The following SHROOM3 variants were observed in gnomAD, a reference collection of about 807,000 sequenced individuals.
The protein encoded by SHROOM3 is shroom family member 3, also known as protein Shroom3.
A neutral mutation model predicts 138.6 loss-of-function variants in SHROOM3; 47 were observed. The observed-to-expected ratio is 0.34, with a 90% confidence interval of 0.27 to 0.43. SHROOM3 has a LOEUF of 0.43. Ranked by LOEUF, SHROOM3 falls within the 20% of genes least tolerant of loss-of-function variation. The pLI, the probability that SHROOM3 is intolerant of heterozygous loss-of-function variation, is 1.00. For missense variants in SHROOM3, 2,491 were observed against 2,596.5 expected (o/e 0.96, Z 0.88); for synonymous variants, 1,062 against 1,063.3 (o/e 1.00, Z 0.02).
Position 76,555,504 on chromosome 4 carries a change from G to T in SHROOM3, c.169-105G>T, listed in dbSNP as rs1406448613. On this transcript the variant is annotated intron_variant, in intron 1 of 10. Coordinates refer to ENST00000296043, the MANE Select transcript of SHROOM3 (RefSeq NM_020859.4). ...AAGCGCTGGGGTGTGGCCCTAGCTGGTCCGTTGGGCTCTGCAGGAGTCTAA... is the reference window on the plus strand; with the variant it reads ...AAGCGCTGGGGTGTGGCCCTAGCTGTTCCGTTGGGCTCTGCAGGAGTCTAA... 5 of 1,538,784 alleles carry T rather than the reference G, an allele frequency of 3.2e-6. No individual in the cohort carries two copies. The African/African-American group carries it at 6.8e-5, about 21-fold the overall frequency.
At chr4:76,759,454 G>A (rs1463955385) in intron 8 of SHROOM3, 91 bp from the exon 9 acceptor site, 6 of 1,496,478 alleles carry the variant, frequency 4.0e-6, no homozygotes, top group African/African-American at 1.4e-5. Flanking sequence ...AAATAGAATT[G>A]TTACGCACTT....
At chr4:76,529,049 G>A (rs529570114) in intron 1 of SHROOM3, among the ~76,000 whole-genome samples, 46 of 152,248 alleles carry the variant, frequency 3.0e-4, no homozygotes, top group Middle Eastern at 3.4e-3. Context: ...AACTTGCCCC[G>A]GTCTATGCAA....
At chr4:76,564,455 C>G (rs1022383159) in intron 2 of SHROOM3, among the ~76,000 whole-genome samples, 1 of 152,118 alleles carries the variant, frequency 6.6e-6, no homozygotes, top group Non-Finnish European at 1.5e-5. Flanking sequence ...ATTCTCAGAG[C>G]AGTTTTCGGC....
At chr4:76,690,408 C>T (rs889688353) in intron 2 of SHROOM3, among the ~76,000 whole-genome samples, 50 of 152,292 alleles carry the variant, frequency 3.3e-4, no homozygotes, top group Admixed American at 3.3e-3. Context: ...TGTTGTGGCG[C>T]ACTGTGTGCA....
intron 1 of SHROOM3, among the ~76,000 whole-genome samples, chr4:76,484,992 G>A (rs1340889582): frequency 6.6e-6 from 1 of 152,180 alleles, no homozygotes; most frequent in Non-Finnish European, 1.5e-5. Context: ...GGAATCCAGT[G>A]AGATACCTAT....
At chr4:76,544,407 CTTT>C (rs58799466) in intron 1 of SHROOM3, among the ~76,000 whole-genome samples, 26 of 75,858 alleles carry the variant, frequency 3.4e-4, no homozygotes, top group Non-Finnish European at 6.4e-4. Context: ...AGCTCAATGG[CTTT>C]TTTTTTTTTT....
At chr4:76,497,282 G>A (rs1218973296) in intron 1 of SHROOM3, among the ~76,000 whole-genome samples, 1 of 152,192 alleles carries the variant, frequency 6.6e-6, no homozygotes, top group Non-Finnish European at 1.5e-5. Flanking sequence ...ACTTCTTAAA[G>A]TAGCTTGTTC....
intron 2 of SHROOM3, among the ~76,000 whole-genome samples, chr4:76,626,085 C>T (rs1281428803): frequency 1.3e-5 from 2 of 152,168 alleles, no homozygotes; most frequent in African/African-American, 4.8e-5. Flanking sequence ...GGAGGCAGCT[C>T]TTTATAGCAT....
intron 1 of SHROOM3, among the ~76,000 whole-genome samples, chr4:76,536,750 A>G (rs1476611614): frequency 6.6e-6 from 1 of 152,150 alleles, no homozygotes; most frequent in African/African-American, 2.4e-5. Context: ...ACTCCTTCCT[A>G]TCCAGCTCCA....
At chr4:76,668,670 T>C (rs1718790131) in intron 2 of SHROOM3, among the ~76,000 whole-genome samples, 1 of 152,168 alleles carries the variant, frequency 6.6e-6, no homozygotes. Context: ...ATAGGGATTG[T>C]CAATGAGGCA....
At chr4:76,644,661 G>A (rs1240308095) in intron 2 of SHROOM3, among the ~76,000 whole-genome samples, 1 of 151,730 alleles carries the variant, frequency 6.6e-6, no homozygotes, top group African/African-American at 2.4e-5. Flanking sequence ...TATACATTGT[G>A]TAATAATCAA....
chr4:76,491,342 G>C lies in SHROOM3; in HGVS notation c.168+55122G>C, dbSNP rs149332858. On this transcript the variant is annotated intron_variant, in intron 1 of 10. Transcript: ENST00000296043. The stretch of plus-strand genomic sequence containing the variant: ...GACTTCTTGGCCTGTGTTGGTGGCA[G>C]GGCACTGCCCCACAAAGCATACTGG... 4.3e-3 allele frequency among the ~76,000 whole-genome samples: 651 copies of C among 152,324 alleles called. 9 individuals carry two copies. The highest frequency in any genetic ancestry group is 0.015 in the African/African-American group (614 of 41,580).
chr4:76,460,846 T>C (rs1731127282), intron 1 of SHROOM3, among the ~76,000 whole-genome samples: 1 of 45,010 alleles, frequency 2.2e-5, no homozygotes, highest in African/African-American at 5.3e-5. Flanking sequence ...AAAAAAAAAT[T>C]AGCCAGGCAT....
intron 1 of SHROOM3, among the ~76,000 whole-genome samples, chr4:76,494,812 G>T (rs1023089393): frequency 1.3e-5 from 2 of 152,166 alleles, no homozygotes; most frequent in African/African-American, 4.8e-5. Flanking sequence ...CAATGTGCAA[G>T]ATACAGAATT....
At chr4:76,632,761 C>A (rs1247406186) in intron 2 of SHROOM3, among the ~76,000 whole-genome samples, 1 of 152,168 alleles carries the variant, frequency 6.6e-6, no homozygotes, top group East Asian at 1.9e-4. Context: ...AAAACTAATA[C>A]ATATTCCTAG....
intron 2 of SHROOM3, among the ~76,000 whole-genome samples, chr4:76,637,880 C>T (rs547716487): frequency 1.3e-5 from 2 of 152,262 alleles, no homozygotes; most frequent in African/African-American, 4.8e-5. Context: ...GGCTCAGTGC[C>T]TCTCCTAAAA....
Position 76,740,947 on chromosome 4 carries a change from G to A in SHROOM3, c.2774G>A (p.Arg925Gln). 5.3e-6 allele frequency: 8 copies of A among 1,497,640 alleles called. No homozygotes were observed. Among genetic ancestry groups the A allele is most frequent in the Non-Finnish European group, 5.3e-6 (6 of 1,126,784 alleles). The allele number at this position is 1,497,640 out of a possible 1,614,324, so 92.8% of individuals were successfully genotyped here. The change falls in exon 5 of 11, where the codon CGG (arginine) becomes CAG (glutamine). Residue 925 changes from arginine (R) to glutamine (Q), a missense_variant. Coordinates refer to ENST00000296043, the MANE Select transcript of SHROOM3 (RefSeq NM_020859.4). The surrounding 1 kb of genome is among the most constrained non-coding windows in gnomAD (Gnocchi z 4.0). ...GATGCCCCCTTCAGCCGCGCCTACC[G>A]GAACAGCATCAAGGACGCACAGTCC... ...LLDAPFSRAY[R>Q]NSIKDAQSRV...
At chr4:76,507,671 TG>T (rs1259788924) in intron 1 of SHROOM3, among the ~76,000 whole-genome samples, 1 of 151,932 alleles carries the variant, frequency 6.6e-6, no homozygotes, top group Non-Finnish European at 1.5e-5. Context: ...CCCGAGTAGC[TG>T]GGACTACAGG....
intron 2 of SHROOM3, among the ~76,000 whole-genome samples, chr4:76,599,929 C>A (rs958604093): frequency 3.3e-5 from 5 of 152,036 alleles, no homozygotes; most frequent in African/African-American, 1.2e-4. Context: ...TTTGGGAGGC[C>A]AAGGTGGGAG....
Sources: gnomAD v4.1 joint callset for allele counts (sites outside exome capture counted in the v4.1 genomes callset) on GRCh38, gnomAD v4.1.1 for gene constraint, Gnocchi (gnomAD v3.1) non-coding constraint, MANE v1.5 for transcripts, NCBI Gene and HGNC (gene_info 2026-07-23, HGNC 2026-07-21) for gene names.